Variants in ADGRL2 observed in about 807,000 individuals in gnomAD.
The protein encoded by ADGRL2 is adhesion G protein-coupled receptor L2.
In ADGRL2, 44 loss-of-function variants were observed where a neutral mutation model predicts 157.4. The ratio of observed to expected loss-of-function variants is 0.28; its 90% CI spans 0.22 to 0.36. ADGRL2 has a LOEUF of 0.36. Among genes scored for constraint, ADGRL2 ranks in the 10% least tolerant of loss-of-function variants. The pLI, the probability that ADGRL2 is intolerant of heterozygous loss-of-function variation, is 1.00. For synonymous variants in ADGRL2, 585 were observed against 624.7 expected (o/e 0.94, Z 0.95); for missense variants, 1,510 against 1,768.9 (o/e 0.85, Z 2.63).
At chr1:81,383,857 G>A (rs1372647155) in intron 1 of ADGRL2, among the ~76,000 whole-genome samples, 1 of 147,796 alleles carries the variant, frequency 6.8e-6, no homozygotes, top group Non-Finnish European at 1.5e-5. Flanking sequence ...GGGAGGCTGA[G>A]GCAGGAGAAT....
chr1:81,706,129 G>T (rs1239988112), intron 1 of ADGRL2, among the ~76,000 whole-genome samples: 1 of 152,090 alleles, frequency 6.6e-6, no homozygotes. Flanking sequence ...AACCAGGGAG[G>T]TAGAGATTGC....
At chr1:81,369,473 G>T (rs1472194353) in intron 1 of ADGRL2, among the ~76,000 whole-genome samples, 2 of 151,510 alleles carry the variant, frequency 1.3e-5, no homozygotes, top group African/African-American at 2.4e-5. Flanking sequence ...AGTTGTTTTT[G>T]TTTGAGTTAG....
At chr1:81,606,353 A>G (rs1342031709) in intron 3 of ADGRL2, among the ~76,000 whole-genome samples, 1 of 152,206 alleles carries the variant, frequency 6.6e-6, no homozygotes, top group African/African-American at 2.4e-5. Context: ...AATTTTGGTC[A>G]TTAGCAAATT....
chr1:81,435,438 C>T (rs1037808146), intron 1 of ADGRL2, among the ~76,000 whole-genome samples: 1 of 152,192 alleles, frequency 6.6e-6, no homozygotes, highest in Non-Finnish European at 1.5e-5. Flanking sequence ...CTTAATCAAC[C>T]AGATGCTGAT....
At chr1:81,649,132 C>G (rs1475147002) in intron 3 of ADGRL2, among the ~76,000 whole-genome samples, 3 of 152,154 alleles carry the variant, frequency 2.0e-5, no homozygotes, top group African/African-American at 7.2e-5. Flanking sequence ...GACTTCTTCC[C>G]TCTTCTGGAA....
At chr1:81,662,594 G>A (rs1229030653) in intron 3 of ADGRL2, among the ~76,000 whole-genome samples, 10 of 142,722 alleles carry the variant, frequency 7.0e-5, no homozygotes, top group Non-Finnish European at 1.5e-4. Context: ...TCGCTCTGTC[G>A]CCCAGGCTAG....
chr1:81,315,931 T>A (rs1260917746), intron 1 of ADGRL2, among the ~76,000 whole-genome samples: 1 of 152,156 alleles, frequency 6.6e-6, no homozygotes, highest in Admixed American at 6.5e-5. Flanking sequence ...CACATTTCAC[T>A]TGGAAGTTTG....
intron 2 of ADGRL2, among the ~76,000 whole-genome samples, chr1:81,486,265 C>A (rs553237297): frequency 6.6e-6 from 1 of 152,162 alleles, no homozygotes; most frequent in Non-Finnish European, 1.5e-5. Flanking sequence ...TTTACAAGAC[C>A]GATATTCCCA....
chr1:81,339,484 C>T (rs773616544), intron 1 of ADGRL2, among the ~76,000 whole-genome samples: 2 of 152,034 alleles, frequency 1.3e-5, no homozygotes, highest in Admixed American at 6.6e-5. Context: ...ATTTTGTATT[C>T]CCAGTTCCTA....
intron 2 of ADGRL2, among the ~76,000 whole-genome samples, chr1:81,790,221 C>T (rs112179031): frequency 0.021 from 3,250 of 152,120 alleles, 125 homozygotes; most frequent in African/African-American, 0.075. Flanking sequence ...CGTTACTTTC[C>T]TGCTTTCCTT....
In ADGRL2 at chr1:81,961,730, G is replaced by A. The variant is rs145819860; in HGVS notation, c.2018-4328G>A. Among the ~76,000 whole-genome samples, 66 of 151,878 alleles carry A rather than the reference G, an allele frequency of 4.3e-4. 1 individual carries two copies. The East Asian group carries it at 0.012, about 27-fold the overall frequency. The stretch of plus-strand genomic sequence containing the variant: ...TCACCATTTTGGCCAGGCAAGTCTC[G>A]AACTCCTGACCTCAGGTGATCCGCC... On this transcript the variant is annotated intron_variant, in intron 11 of 23. Coordinates refer to ENST00000686636, the MANE Select transcript of ADGRL2 (RefSeq NM_001366006.2).
At chr1:81,661,011 C>A (rs1038287312) in intron 3 of ADGRL2, among the ~76,000 whole-genome samples, 3 of 152,140 alleles carry the variant, frequency 2.0e-5, no homozygotes, top group African/African-American at 7.2e-5. Context: ...GTCAGAAAGA[C>A]TTTCCTTTCC....
intron 1 of ADGRL2, among the ~76,000 whole-genome samples, chr1:81,809,222 TAAA>T (rs1285468681): frequency 6.6e-6 from 1 of 151,970 alleles, no homozygotes; most frequent in Non-Finnish European, 1.5e-5. Flanking sequence ...TTAGTTATCT[TAAA>T]AGAAGCCTAT....
chr1:81,789,886 T>C (rs886947460), intron 2 of ADGRL2, among the ~76,000 whole-genome samples: 8 of 152,076 alleles, frequency 5.3e-5, no homozygotes, highest in African/African-American at 1.9e-4. Context: ...AAAAAGGCTT[T>C]TTGGTTGTTG....
At chr1:81,470,007 C>T (rs534028425) in intron 2 of ADGRL2, among the ~76,000 whole-genome samples, 1 of 152,162 alleles carries the variant, frequency 6.6e-6, no homozygotes, top group Non-Finnish European at 1.5e-5. Flanking sequence ...CTGCAGAGGG[C>T]GATTCTGCAA....
At chr1:81,472,697 A>G (rs1397662776) in intron 2 of ADGRL2, among the ~76,000 whole-genome samples, 1 of 152,230 alleles carries the variant, frequency 6.6e-6, no homozygotes. Context: ...TAGTCTGTAT[A>G]TCTCTTGTTA....
intron 3 of ADGRL2, among the ~76,000 whole-genome samples, chr1:81,610,243 T>TTTG (rs2081514635): frequency 6.6e-6 from 1 of 151,292 alleles, no homozygotes; most frequent in African/African-American, 2.4e-5. Flanking sequence ...TTTTTTTTTT[T>TTTG]TTTTTGAAGG....
chr1:81,928,939 A>T (rs1341566350), intron 3 of ADGRL2, among the ~76,000 whole-genome samples: 2 of 152,180 alleles, frequency 1.3e-5, no homozygotes, highest in Non-Finnish European at 2.9e-5. Flanking sequence ...GTATTTTGTA[A>T]TTGAAGTTTA....
intron 10 of ADGRL2, 72 bp from the exon 11 acceptor site, chr1:81,955,805 C>A: frequency 1.2e-6 from 1 of 861,030 alleles, no homozygotes; most frequent in Non-Finnish European, 1.8e-6. Flanking sequence ...ACAATTGTCA[C>A]TCATCAGCTA....
Sources: allele counts gnomAD v4.1 joint callset (sites outside exome capture counted in the v4.1 genomes callset), GRCh38; gene constraint gnomAD v4.1.1; transcripts MANE v1.5; gene names NCBI Gene and HGNC (gene_info 2026-07-23, HGNC 2026-07-21).